DSE: variants seen among roughly 807,000 people sequenced by gnomAD.
DSE encodes the protein dermatan sulfate epimerase.
A neutral mutation model predicts 84.4 loss-of-function variants in DSE; 36 were observed. The observed-to-expected ratio is 0.43, with a 90% CI of 0.33 to 0.56. The LOEUF (loss-of-function observed/expected upper bound fraction) is 0.56, where lower values mean the gene tolerates loss of function less well. DSE is among the 20% of genes least tolerant of loss of function. The pLI, the probability that DSE is intolerant of heterozygous loss-of-function variation, is 0.06. For synonymous variants in DSE, 410 were observed against 430.1 expected, an observed-to-expected ratio of 0.95 and a Z score of 0.58; for missense variants, 862 against 1,169.6, an observed-to-expected ratio of 0.74 and a Z score of 3.84.
At chr6:116,278,580 G>A (rs1157741722) in intron 2 of DSE, 2 of 1,613,992 alleles carry the variant, frequency 1.2e-6, no homozygotes, top group Non-Finnish European at 1.7e-6. Flanking sequence ...GGCGACGTCG[G>A]GCTCTACGGA....
At chr6:116,333,512 G>A (rs1057092218) in intron 2 of DSE, among the ~76,000 whole-genome samples, 6 of 152,220 alleles carry the variant, frequency 3.9e-5, no homozygotes, top group Middle Eastern at 3.4e-3. Flanking sequence ...TCCCAATACC[G>A]TTACATTGGC....
Position 116,435,981 on chromosome 6 carries a change from G to C in DSE, c.1513G>C (p.Asp505His). The change falls in exon 6 of 6, where the codon GAC becomes CAC. Residue 505 changes from aspartate to histidine, a missense_variant. This residue lies in a region of DSE where 186 missense variants were observed against 255.1 expected (regional missense o/e 0.73). Coordinates refer to ENST00000644252, the MANE Select transcript of DSE (RefSeq NM_013352.4). The stretch of plus-strand genomic sequence containing the variant: ...TCCCTGGGTGGGTCAGGTCACAGAA[G>C]ACTGCTCATCAAAATGGTCTAAATA... ...FSPWVGQVTE[D>H]CSSKWSKYKH... is the part of the protein sequence containing the mutation. 2 of 1,614,164 alleles carry C rather than the reference G, an allele frequency of 1.2e-6. No individual in the cohort carries two copies. The highest frequency in any genetic ancestry group is 8.5e-7 in the Non-Finnish European group (1 of 1,180,012).
chr6:116,428,952 T>TTACAAAGTATTTTGGTAGACATTGCC, intron 3 of DSE, among the ~76,000 whole-genome samples: 1 of 152,286 alleles, frequency 6.6e-6, no homozygotes, highest in African/African-American at 2.4e-5. Flanking sequence ...GAGTTGCAGT[T>TTACAAAGTATTTTGGTAGACATTGCC]TACAAAGTAT....
intron 1 of DSE, among the ~76,000 whole-genome samples, chr6:116,374,421 A>G (rs2114927552): frequency 6.6e-6 from 1 of 152,172 alleles, no homozygotes; most frequent in South Asian, 2.1e-4. Context: ...CTGTTTGCTG[A>G]GGGGGCTGGA....
At chr6:116,369,879 T>G, upstream of DSE, 2 of 1,288,358 alleles carry the variant, frequency 1.6e-6, no homozygotes, top group Non-Finnish European at 2.0e-6. Context: ...TCAGAACTCA[T>G]GGAGAAAAGC....
chr6:116,409,548 G>T (rs1782176668), intron 2 of DSE, among the ~76,000 whole-genome samples: 1 of 152,082 alleles, frequency 6.6e-6, no homozygotes. Flanking sequence ...CAAAGTGCTG[G>T]GATTACAGGC....
chr6:116,312,966 A>T (rs1003171378), intron 2 of DSE, among the ~76,000 whole-genome samples: 2 of 152,150 alleles, frequency 1.3e-5, no homozygotes, highest in African/African-American at 2.4e-5. Context: ...TGTATATAGA[A>T]GTCTTCTCTA....
intron 2 of DSE, among the ~76,000 whole-genome samples, chr6:116,305,644 T>C (rs1234604797): frequency 6.6e-6 from 1 of 152,138 alleles, no homozygotes; most frequent in Non-Finnish European, 1.5e-5. Flanking sequence ...TTTTTTTGTT[T>C]TTGTTTTTTT....
At chr6:116,310,996 T>C (rs1775662224) in intron 2 of DSE, among the ~76,000 whole-genome samples, 1 of 152,232 alleles carries the variant, frequency 6.6e-6, no homozygotes, top group African/African-American at 2.4e-5. Context: ...TTCTGCCTTC[T>C]TGCTGCGCTT....
intron 2 of DSE, among the ~76,000 whole-genome samples, chr6:116,352,932 CTT>C (rs1028367881): frequency 3.9e-5 from 6 of 152,144 alleles, no homozygotes; most frequent in African/African-American, 1.4e-4. Flanking sequence ...TCCTCTCTCT[CTT>C]TCTCTCTTCC....
intron 2 of DSE, among the ~76,000 whole-genome samples, chr6:116,264,544 T>C (rs930423146): frequency 2.0e-5 from 3 of 152,152 alleles, no homozygotes; most frequent in Non-Finnish European, 4.4e-5. Context: ...AGCTGAATGG[T>C]CTTCATTCCT....
chr6:116,264,010 C>G (rs914196215), intron 2 of DSE, among the ~76,000 whole-genome samples: 2 of 152,150 alleles, frequency 1.3e-5, no homozygotes, highest in Non-Finnish European at 2.9e-5. Flanking sequence ...TGCCCTTTCT[C>G]TCTAGCCACC....
upstream of DSE, chr6:116,370,784 C>A: frequency 2.1e-6 from 2 of 971,494 alleles, no homozygotes; most frequent in Non-Finnish European, 2.4e-6. Flanking sequence ...GGTCGGGGTT[C>A]GGCCGGGGGA....
chr6:116,309,147 A>C (rs1427307522), intron 2 of DSE, among the ~76,000 whole-genome samples: 3 of 152,198 alleles, frequency 2.0e-5, no homozygotes, highest in African/African-American at 4.8e-5. Flanking sequence ...GAGCAAATTA[A>C]AGAAAATTAG....
At chr6:116,429,221 G>A (rs184805035) in intron 3 of DSE, among the ~76,000 whole-genome samples, 2 of 152,120 alleles carry the variant, frequency 1.3e-5, no homozygotes, top group Non-Finnish European at 2.9e-5. Context: ...AAGAGGCCAG[G>A]GTATGATGAT....
At chr6:116,310,205 C>T (rs1016870386) in intron 2 of DSE, among the ~76,000 whole-genome samples, 6 of 151,916 alleles carry the variant, frequency 3.9e-5, no homozygotes, top group African/African-American at 1.2e-4. Flanking sequence ...ATTTGTTCCC[C>T]CTATTTCTCA....
At chr6:116,331,099 C>T (rs573914867) in intron 2 of DSE, among the ~76,000 whole-genome samples, 1 of 152,004 alleles carries the variant, frequency 6.6e-6, no homozygotes, top group African/African-American at 2.4e-5. Context: ...CATCTTTGGG[C>T]AAACGAAGAA....
chr6:116,385,307 C>G (rs767080598), intron 1 of DSE, among the ~76,000 whole-genome samples: 7 of 152,138 alleles, frequency 4.6e-5, no homozygotes, highest in Non-Finnish European at 1.0e-4. Context: ...GTGACATACT[C>G]TGAATTAGGA....
intron 2 of DSE, among the ~76,000 whole-genome samples, chr6:116,339,326 TA>T (rs1442932960): frequency 2.6e-5 from 4 of 151,530 alleles, no homozygotes; most frequent in African/African-American, 9.7e-5. Context: ...TTTTTTTTTT[TA>T]ATCTCATGGT....
Sources: allele counts gnomAD v4.1 joint callset (sites outside exome capture counted in the v4.1 genomes callset), GRCh38; gene constraint gnomAD v4.1.1; regional missense constraint gnomAD v4.1.1; transcripts MANE v1.5; gene names NCBI Gene and HGNC (gene_info 2026-07-23, HGNC 2026-07-21).